APP: variants seen among roughly 807,000 people sequenced by gnomAD.
The protein encoded by APP is amyloid-beta precursor protein.
In APP, 31 loss-of-function variants were observed where a neutral mutation model predicts 101.4. The ratio of observed to expected loss-of-function variants is 0.31; its 90% CI spans 0.23 to 0.41. The LOEUF is 0.41. Among genes scored for constraint, APP ranks in the 10% least tolerant of loss-of-function variants. The pLI is 1.00. For synonymous variants in APP, 366 were observed against 364.4 expected (o/e 1.00, Z -0.05); for missense variants, 839 against 1,003.7 (o/e 0.84, Z 2.22).
chr21:26,055,075 C>CT (rs2045987025), intron 3 of APP, among the ~76,000 whole-genome samples: 1 of 152,076 alleles, frequency 6.6e-6, no homozygotes, highest in Non-Finnish European at 1.5e-5. Context: ...TTCCTTAAAT[C>CT]TTTAAAATGA....
chr21:25,995,033 T>C (rs2043000679), intron 8 of APP, among the ~76,000 whole-genome samples: 3 of 152,226 alleles, frequency 2.0e-5, no homozygotes, highest in South Asian at 4.2e-4. Context: ...GGATCCCAAA[T>C]ACACTGCAAG....
In APP at chr21:26,170,738, G is replaced by C. The variant is rs1197919397; in HGVS notation, c.-118C>G. 1.5e-5 allele frequency: 17 copies of C among 1,103,932 alleles called. 1 individual carries two copies. Among genetic ancestry groups the C allele is most frequent in the Admixed American group, 7.3e-5 (2 of 27,556 alleles). The allele number at this position is 1,103,932 out of a possible 1,614,324, so 68.4% of individuals were successfully genotyped here. A position where few individuals can be genotyped will look rare whatever the true frequency, so the allele number is the denominator to read the frequency against. ...GGGGCCCCCGCGCACGCTCCTCCGCGTGCTCTCGCCTACCGCTGCCGAGGA... is the reference window on the plus strand; with the variant it reads ...GGGGCCCCCGCGCACGCTCCTCCGCCTGCTCTCGCCTACCGCTGCCGAGGA... On this transcript the variant is annotated 5_prime_UTR_variant, in exon 1 of 18. Coordinates refer to ENST00000346798, the MANE Select transcript of APP (RefSeq NM_000484.4).
chr21:26,074,168 T>A (rs894432319), intron 3 of APP, among the ~76,000 whole-genome samples: 1 of 152,184 alleles, frequency 6.6e-6, no homozygotes, highest in African/African-American at 2.4e-5. Context: ...CTGAGTAATA[T>A]TCTTGAAAAT....
intron 1 of APP, among the ~76,000 whole-genome samples, chr21:26,161,889 G>A (rs543626851): frequency 6.6e-6 from 1 of 152,018 alleles, no homozygotes; most frequent in Non-Finnish European, 1.5e-5. Context: ...CGGTTTTAAA[G>A]GCTTAATCTT....
rs113117385 is a variant in APP, at chr21:25,939,662, T to A, written c.1687+14928A>T. On this transcript the variant is annotated intron_variant, in intron 13 of 17. Coordinates refer to ENST00000346798, the MANE Select transcript of APP (RefSeq NM_000484.4). ...TCCTCTTTTTCTCTAAAGTTTCTTA[T>A]TTTTTCAGTTTTTCTCATGATACTG... 4.1e-3 allele frequency among the ~76,000 whole-genome samples: 631 copies of A among 152,326 alleles called. 6 individuals carry two copies. The highest frequency in any genetic ancestry group is 0.014 in the African/African-American group (597 of 41,574).
chr21:26,086,860 C>T (rs547481575), intron 3 of APP, among the ~76,000 whole-genome samples: 43 of 152,252 alleles, frequency 2.8e-4, no homozygotes, highest in African/African-American at 1.0e-3. Context: ...GTAAAAAACA[C>T]TGGACCAATA....
At chr21:25,945,999 C>A in intron 13 of APP, 1 of 439,012 alleles carries the variant, frequency 2.3e-6, no homozygotes. Context: ...TCTTTTTCAA[C>A]AAATGGTGCT....
chr21:25,902,400 T>C (rs1473703853), intron 15 of APP, among the ~76,000 whole-genome samples: 3 of 152,202 alleles, frequency 2.0e-5, no homozygotes, highest in African/African-American at 7.2e-5. Context: ...TTGATAAACT[T>C]ACTACAAGCA....
At chr21:26,085,082 A>T (rs925622520) in intron 3 of APP, among the ~76,000 whole-genome samples, 1 of 152,212 alleles carries the variant, frequency 6.6e-6, no homozygotes, top group Admixed American at 6.5e-5. Context: ...ATCACCTGTA[A>T]TCCCACTGTT....
intron 1 of APP, among the ~76,000 whole-genome samples, chr21:26,138,839 G>A (rs575912072): frequency 6.6e-6 from 1 of 152,246 alleles, no homozygotes; most frequent in African/African-American, 2.4e-5. Flanking sequence ...GAAACCTAAG[G>A]AACTCAAAAA....
chr21:25,968,851 G>C (rs1374606311), intron 11 of APP, among the ~76,000 whole-genome samples: 2 of 152,156 alleles, frequency 1.3e-5, no homozygotes, highest in Non-Finnish European at 2.9e-5. Flanking sequence ...AACATCTACA[G>C]AATCTATGGA....
At chr21:26,068,518 C>T (rs1472470107) in intron 3 of APP, among the ~76,000 whole-genome samples, 1 of 152,118 alleles carries the variant, frequency 6.6e-6, no homozygotes, top group Non-Finnish European at 1.5e-5. Flanking sequence ...TGCCAACATG[C>T]CTGGCTAATT....
intron 3 of APP, among the ~76,000 whole-genome samples, chr21:26,054,712 C>T (rs2045974308): frequency 6.8e-6 from 1 of 147,320 alleles, no homozygotes; most frequent in Non-Finnish European, 1.5e-5. Context: ...AGGGAGACCA[C>T]CAAGTAGGTC....
chr21:25,880,842 A>C lies in APP; in HGVS notation c.*828T>G. On this transcript the variant is annotated 3_prime_UTR_variant, in exon 18 of 18. Transcript: ENST00000346798. ...AATTTATTTATGTAATACAGTGTAG[A>C]AAGCGATCATGTCATAAGCAATGAT... 6.5e-6 allele frequency: 1 copy of C among 152,672 alleles called. No individual in the cohort carries two copies. Among genetic ancestry groups the C allele is most frequent in the East Asian group, 1.9e-4 (1 of 5,202 alleles). The allele number at this position is 152,672 out of a possible 1,614,324, so 9.5% of individuals were successfully genotyped here.
Position 25,881,476 on chromosome 21 carries a change from T to G in APP, c.*194A>C, listed in dbSNP as rs199977643. On this transcript the variant is annotated 3_prime_UTR_variant, in exon 18 of 18. Transcript: ENST00000346798. ...ATAGAGACCAAAATGTAAAGAGAGA[T>G]AGAATACATTACTGATGTGTGGATT... The G allele has an allele frequency of 3.0e-4, 201 of 660,646 alleles. No individual in the cohort carries two copies. In the East Asian group the frequency reaches 3.1e-3, roughly 10 times the overall value. 40.9% of individuals were successfully genotyped at this position (660,646 alleles called of 1,614,324 possible).
intron 1 of APP, among the ~76,000 whole-genome samples, chr21:26,131,592 T>G (rs1407369587): frequency 6.6e-6 from 1 of 152,180 alleles, no homozygotes; most frequent in African/African-American, 2.4e-5. Context: ...ATTTAAGCAT[T>G]GATAGCCAAA....
At chr21:26,103,963 C>T (rs1011841067) in intron 2 of APP, among the ~76,000 whole-genome samples, 5 of 152,194 alleles carry the variant, frequency 3.3e-5, no homozygotes, top group African/African-American at 1.2e-4. Context: ...ACAAAAATGT[C>T]TTTTGTCACA....
At chr21:25,959,542 G>A (rs921848990) in intron 11 of APP, among the ~76,000 whole-genome samples, 21 of 152,234 alleles carry the variant, frequency 1.4e-4, no homozygotes, top group African/African-American at 5.1e-4. Context: ...TACAAGTGCA[G>A]GTAATATTCT....
intron 13 of APP, among the ~76,000 whole-genome samples, chr21:25,913,796 T>C (rs927589418): frequency 6.6e-6 from 1 of 152,170 alleles, no homozygotes; most frequent in South Asian, 2.1e-4. Flanking sequence ...TTTTTACTCT[T>C]TTTTTCTCCT....
Sources: gnomAD v4.1 joint callset for allele counts (sites outside exome capture counted in the v4.1 genomes callset) on GRCh38, gnomAD v4.1.1 for gene constraint, MANE v1.5 for transcripts, NCBI Gene and HGNC (gene_info 2026-07-23, HGNC 2026-07-21) for gene names.